CAP2: variants seen among roughly 807,000 people sequenced by gnomAD.
CAP2 encodes cyclase associated actin cytoskeleton regulatory protein 2, also known as adenylyl cyclase-associated protein 2.
In CAP2, 24 loss-of-function variants were observed where a neutral mutation model predicts 57.7. The ratio of observed to expected loss-of-function variants is 0.42; its 90% CI spans 0.30 to 0.58. The LOEUF is 0.58. Among genes scored for constraint, CAP2 ranks in the 20% least tolerant of loss-of-function variants. CAP2 has a pLI of 0.22. For synonymous variants in CAP2, 194 were observed against 207.2 expected, an observed-to-expected ratio of 0.94 and a Z score of 0.55; for missense variants, 501 against 590.3, an observed-to-expected ratio of 0.85 and a Z score of 1.57.
chr6:17,401,287 G>T (rs902575413), intron 1 of CAP2, among the ~76,000 whole-genome samples: 1 of 152,172 alleles, frequency 6.6e-6, no homozygotes, highest in Non-Finnish European at 1.5e-5. Flanking sequence ...GCAAGAAAGT[G>T]CCATCTATGA....
At chr6:17,398,045 A>G (rs1315323178) in intron 1 of CAP2, among the ~76,000 whole-genome samples, 2 of 152,136 alleles carry the variant, frequency 1.3e-5, no homozygotes, top group African/African-American at 4.8e-5. Flanking sequence ...TTCTCATCCT[A>G]TTTACATTCT....
chr6:17,476,048 A>G (rs757782853), intron 4 of CAP2, among the ~76,000 whole-genome samples: 1 of 152,348 alleles, frequency 6.6e-6, no homozygotes, highest in South Asian at 2.1e-4. Flanking sequence ...TAATTGGATT[A>G]TATTTCCCAT....
intron 3 of CAP2, among the ~76,000 whole-genome samples, chr6:17,435,725 A>C (rs1431459134): frequency 7.4e-5 from 11 of 148,592 alleles, no homozygotes; most frequent in African/African-American, 2.5e-4. Flanking sequence ...GATAAAAAAA[A>C]AAAAAAACAA....
chr6:17,488,474 T>C (rs1724093113), intron 4 of CAP2, among the ~76,000 whole-genome samples: 2 of 152,168 alleles, frequency 1.3e-5, no homozygotes, highest in South Asian at 2.1e-4. Context: ...CATTCATCTT[T>C]GAATAGCTCA....
intron 3 of CAP2, among the ~76,000 whole-genome samples, chr6:17,460,236 T>C (rs1229413581): frequency 6.6e-6 from 1 of 152,050 alleles, no homozygotes; most frequent in African/African-American, 2.4e-5. Flanking sequence ...TGTTAAAATA[T>C]AAAGACAACA....
chr6:17,557,503 G>A lies in CAP2; in HGVS notation c.*1061G>A, dbSNP rs1763341857. 1 of 152,124 alleles carries A rather than the reference G, an allele frequency of 6.6e-6. No individual in the cohort carries two copies. Among genetic ancestry groups the A allele is most frequent in the Non-Finnish European group, 1.5e-5 (1 of 68,032 alleles). The allele number at this position is 152,124 out of a possible 1,614,324, so 9.4% of individuals were successfully genotyped here. On this transcript the variant is annotated 3_prime_UTR_variant, in exon 13 of 13. Transcript: ENST00000229922. ...TTTTATCTTTTCAGTACATAGTGCT[G>A]AAAAATCTGCAACTTCTTGGATCAT...
intron 3 of CAP2, among the ~76,000 whole-genome samples, chr6:17,427,189 C>T (rs113983886): frequency 1.3e-5 from 2 of 152,030 alleles, no homozygotes; most frequent in African/African-American, 2.4e-5. Flanking sequence ...ACAGCAAGAG[C>T]GAAGGCTCAG....
chr6:17,398,454 A>G (rs1758724673), intron 1 of CAP2, among the ~76,000 whole-genome samples: 1 of 152,210 alleles, frequency 6.6e-6, no homozygotes, highest in African/African-American at 2.4e-5. Context: ...CCTTAAAGTC[A>G]GAACAAACCA....
At chr6:17,454,434 G>A (rs1760501355) in intron 3 of CAP2, among the ~76,000 whole-genome samples, 1 of 152,236 alleles carries the variant, frequency 6.6e-6, no homozygotes, top group African/African-American at 2.4e-5. Flanking sequence ...GCTGAGTAGG[G>A]ATGTGATGAG....
intron 4 of CAP2, among the ~76,000 whole-genome samples, chr6:17,498,042 C>T (rs777836329): frequency 2.6e-5 from 4 of 152,194 alleles, no homozygotes; most frequent in African/African-American, 9.7e-5. Flanking sequence ...ACCTATCCTT[C>T]GGAAAAGTGT....
rs536332848 is a variant in CAP2 at position 17,432,602 on chromosome 6, T to C, written c.222+5912T>C. On this transcript the variant is annotated intron_variant, in intron 3 of 12. Transcript: ENST00000229922. ...TCAAGAATTCTGCCTCTAGGTTTCATCCAGGCTTTAAATGGGGCATCTTCT... is the reference window on the plus strand; with the variant it reads ...TCAAGAATTCTGCCTCTAGGTTTCACCCAGGCTTTAAATGGGGCATCTTCT... Among the ~76,000 whole-genome samples the C allele has an allele frequency of 7.2e-5, 11 of 152,314 alleles. No individual in the cohort carries two copies. In the East Asian group the frequency reaches 1.5e-3, roughly 21 times the overall value.
intron 4 of CAP2, among the ~76,000 whole-genome samples, chr6:17,480,780 T>G (rs1265443737): frequency 2.0e-5 from 3 of 150,728 alleles, no homozygotes; most frequent in Non-Finnish European, 1.5e-5. Context: ...TTGGTTTTTT[T>G]TTTTTTTTTT....
chr6:17,507,066 C>A, intron 4 of CAP2, 103 bp from the exon 5 acceptor site: 2 of 1,120,584 alleles, frequency 1.8e-6, no homozygotes, highest in Non-Finnish European at 2.7e-6. Context: ...GACCCCTTAA[C>A]AGACGGCAGG....
rs975104138 is a variant in CAP2 at position 17,533,249 on chromosome 6, C to CA, written c.637-6013dup. Among the ~76,000 whole-genome samples, 360 of 151,544 alleles carry CA rather than the reference C, an allele frequency of 2.4e-3. 1 individual carries two copies. Among genetic ancestry groups the CA allele is most frequent in the Non-Finnish European group, 3.5e-3 (236 of 67,908 alleles). The stretch of plus-strand genomic sequence containing the variant: ...TATACTTATATATAGTATATGTATC[C>CA]AAAAAAATCACAAACCTTCCACACA... On this transcript the variant is annotated intron_variant, in intron 7 of 12. Coordinates refer to ENST00000229922, the MANE Select transcript of CAP2 (RefSeq NM_006366.3).
chr6:17,532,750 A>AC (rs1284058623), intron 7 of CAP2, among the ~76,000 whole-genome samples: 89 of 148,142 alleles, frequency 6.0e-4, no homozygotes, highest in Non-Finnish European at 1.1e-3. Flanking sequence ...TAAAAAAAAA[A>AC]ACACACACAC....
chr6:17,478,750 T>C (rs538810245), intron 4 of CAP2, among the ~76,000 whole-genome samples: 1 of 152,274 alleles, frequency 6.6e-6, no homozygotes, highest in African/African-American at 2.4e-5. Flanking sequence ...CACTTCCCTG[T>C]CACTTTTTAA....
intron 1 of CAP2, among the ~76,000 whole-genome samples, chr6:17,394,295 A>G (rs1758617272): frequency 2.0e-5 from 3 of 151,910 alleles, no homozygotes; most frequent in African/African-American, 7.3e-5. Flanking sequence ...TAAAAAATGC[A>G]GAGGCAACTG....
intron 1 of CAP2, among the ~76,000 whole-genome samples, chr6:17,405,724 A>G (rs1758946648): frequency 6.6e-6 from 1 of 152,078 alleles, no homozygotes; most frequent in South Asian, 2.1e-4. Context: ...TTTTATTTTT[A>G]TTTAAAGCAC....
chr6:17,469,416 CTGTG>C (rs145245116), intron 4 of CAP2, among the ~76,000 whole-genome samples: 3 of 150,100 alleles, frequency 2.0e-5, no homozygotes, highest in African/African-American at 4.9e-5. Flanking sequence ...CTGTGTGTGT[CTGTG>C]TGTGTGTGTG....
Sources: gnomAD v4.1 joint callset for allele counts (sites outside exome capture counted in the v4.1 genomes callset) on GRCh38, gnomAD v4.1.1 for gene constraint, MANE v1.5 for transcripts, NCBI Gene and HGNC (gene_info 2026-07-23, HGNC 2026-07-21) for gene names.